The following PIEZO2 variants were observed in gnomAD, a reference collection of about 807,000 sequenced individuals.
PIEZO2 encodes the protein piezo type mechanosensitive ion channel component 2, also known as piezo-type mechanosensitive ion channel component 2.
In PIEZO2, 172 loss-of-function variants were observed where a neutral mutation model predicts 337.3. That is an observed-to-expected ratio of 0.51 (90% CI 0.45 to 0.58). The LOEUF is 0.58. Ranked by LOEUF, PIEZO2 falls within the 20% of genes least tolerant of loss-of-function variation. PIEZO2 has a pLI of 0.00. For synonymous variants in PIEZO2, 1,251 were observed against 1,228.5 expected, an observed-to-expected ratio of 1.02 and a Z score of -0.38; for missense variants, 3,028 against 3,391.3, an observed-to-expected ratio of 0.89 and a Z score of 2.66.
chr18:10,914,777 G>A (rs36090795), intron 3 of PIEZO2, among the ~76,000 whole-genome samples: 45 of 152,044 alleles, frequency 3.0e-4, no homozygotes, highest in African/African-American at 8.4e-4. Flanking sequence ...TCCAGTATCC[G>A]GTCAACAGAA....
chr18:10,966,417 A>G (rs980614460), intron 3 of PIEZO2, among the ~76,000 whole-genome samples: 1 of 152,134 alleles, frequency 6.6e-6, no homozygotes, highest in African/African-American at 2.4e-5. Flanking sequence ...TCCACTGTCA[A>G]TCCCTCTTCC....
chr18:10,939,444 T>C (rs140885671), intron 3 of PIEZO2, among the ~76,000 whole-genome samples: 126 of 152,060 alleles, frequency 8.3e-4, no homozygotes, highest in African/African-American at 2.9e-3. Flanking sequence ...TACAAATCAT[T>C]CTACTATAAA....
At chr18:10,679,491 T>C (rs1399733517) in intron 52 of PIEZO2, among the ~76,000 whole-genome samples, 1 of 151,516 alleles carries the variant, frequency 6.6e-6, no homozygotes, top group Non-Finnish European at 1.5e-5. Context: ...TATAGTTACA[T>C]TCAAAATTTT....
chr18:10,983,208 G>C (rs2034736073), intron 2 of PIEZO2, among the ~76,000 whole-genome samples: 1 of 152,138 alleles, frequency 6.6e-6, no homozygotes, highest in Non-Finnish European at 1.5e-5. Context: ...CAGAATAGGA[G>C]GTTTTGGCTC....
rs1176483161 is a variant in PIEZO2 at position 11,123,734 on chromosome 18, C to T, written c.64+24791G>A. On this transcript the variant is annotated intron_variant, in intron 1 of 55. Coordinates refer to ENST00000674853, the MANE Select transcript of PIEZO2 (RefSeq NM_001378183.1). ...CTGAGGCAGGAGGATGGCGTGAACC[C>T]GGGAGGCGGAGCTTGCAGTGAGCTG... is the stretch of plus-strand genomic sequence containing the variant. Among the ~76,000 whole-genome samples the T allele has an allele frequency of 1.9e-4, 29 of 151,632 alleles. No homozygotes were observed. The Middle Eastern group carries it at 9.5e-3, about 50-fold the overall frequency.
At chr18:10,825,694 G>T (rs370935751) in intron 7 of PIEZO2, among the ~76,000 whole-genome samples, 1 of 151,942 alleles carries the variant, frequency 6.6e-6, no homozygotes, top group East Asian at 1.9e-4. Flanking sequence ...GGCACTACAG[G>T]CATGTGCCAC....
In PIEZO2 at chr18:11,000,371, C is replaced by T. The variant is rs189934798; in HGVS notation, c.161-20711G>A. ...CCTTTTCCCTCCCATTTGGAACTAT[C>T]GTTTATTACCCTGGCTTTATATCCT... On this transcript the variant is annotated intron_variant, in intron 2 of 55. Transcript: ENST00000674853. Among the ~76,000 whole-genome samples the T allele has an allele frequency of 1.2e-3, 183 of 152,262 alleles. 2 individuals carry two copies. Among genetic ancestry groups the T allele is most frequent in the Non-Finnish European group, 2.2e-3 (147 of 68,016 alleles).
intron 1 of PIEZO2, among the ~76,000 whole-genome samples, chr18:11,089,107 C>T (rs1283175179): frequency 6.6e-6 from 1 of 152,144 alleles, no homozygotes; most frequent in African/African-American, 2.4e-5. Context: ...CAACTGGCCA[C>T]AGGTCAGAAT....
Position 11,125,242 on chromosome 18 carries a change from A to G in PIEZO2, c.64+23283T>C, listed in dbSNP as rs1210758159. 6.6e-6 allele frequency among the ~76,000 whole-genome samples: 1 copy of G among 152,210 alleles called. No homozygotes were observed. Among genetic ancestry groups the G allele is most frequent in the African/African-American group, 2.4e-5 (1 of 41,448 alleles). On this transcript the variant is annotated intron_variant, in intron 1 of 55. Transcript: ENST00000674853. This position sits in a 1 kb window ranked among gnomAD's most constrained non-coding sequence, Gnocchi z 4.4. The stretch of plus-strand genomic sequence containing the variant: ...GGATACTGCAATAAGCAAGAAAACC[A>G]TTATAAGCCCTCTTGAGCTGATAAT...
chr18:10,975,537 TA>T (rs1161137565), intron 3 of PIEZO2, among the ~76,000 whole-genome samples: 2 of 152,256 alleles, frequency 1.3e-5, no homozygotes. Context: ...ACGGCACCTT[TA>T]ACAGACCTGC....
rs2040149650 is a variant in PIEZO2 at position 11,125,179 on chromosome 18, C to A, written c.64+23346G>T. ...ACACACACACACACATGCACACATA[C>A]AAAATACACACACCGTCTATCCTGC... On this transcript the variant is annotated intron_variant, in intron 1 of 55. Coordinates refer to ENST00000674853, the MANE Select transcript of PIEZO2 (RefSeq NM_001378183.1). This position sits in a 1 kb window ranked among gnomAD's most constrained non-coding sequence, Gnocchi z 4.4. Among the ~76,000 whole-genome samples the A allele has an allele frequency of 6.6e-6, 1 of 151,998 alleles. No homozygotes were observed. Among genetic ancestry groups the A allele is most frequent in the Admixed American group, 6.5e-5 (1 of 15,268 alleles).
chr18:10,996,150 A>G, intron 2 of PIEZO2, among the ~76,000 whole-genome samples: 1 of 152,248 alleles, frequency 6.6e-6, no homozygotes, highest in East Asian at 1.9e-4. Flanking sequence ...AAATGGAAGC[A>G]TAAGAAAAGG....
At position 10,803,893 on chromosome 18, in the gene PIEZO2, G is replaced by A; in HGVS notation, c.1182C>T (p.Tyr394=). The change falls in exon 9 of 56, where the codon TAC becomes TAT. Residue 394 remains tyrosine, a synonymous_variant. Transcript: ENST00000674853. ...GGCTTACTTTTCTCTCATCAGTGGG[G>A]TAATGGGTTGCGTACCACAGGCTCC... ...RRRSLWYATH[Y]PTDERKLLSM... The A allele has an allele frequency of 6.5e-7, 1 of 1,537,286 alleles. No individual in the cohort carries two copies. The highest frequency in any genetic ancestry group is 8.7e-7 in the Non-Finnish European group (1 of 1,146,918).
intron 2 of PIEZO2, among the ~76,000 whole-genome samples, chr18:11,040,302 T>TAA (rs2037074569): frequency 6.6e-6 from 1 of 152,202 alleles, no homozygotes; most frequent in Non-Finnish European, 1.5e-5. Flanking sequence ...ACCTCAGAAT[T>TAA]AAATTTTGAA....
chr18:11,075,654 C>G (rs2038506058), intron 1 of PIEZO2, among the ~76,000 whole-genome samples: 1 of 152,192 alleles, frequency 6.6e-6, no homozygotes, highest in Non-Finnish European at 1.5e-5. Flanking sequence ...CAGTCTCTCC[C>G]ACCACCATTC....
In PIEZO2 at chr18:11,001,934, G is replaced by GAAGGAAGGAAGGAAGC. The variant is rs1033214542; in HGVS notation, c.161-22275_161-22274insGCTTCCTTCCTTCCTT. Among the ~76,000 whole-genome samples, 77 of 122,514 alleles carry GAAGGAAGGAAGGAAGC rather than the reference G, an allele frequency of 6.3e-4. No homozygotes were observed. The highest frequency in any genetic ancestry group is 2.1e-3 in the African/African-American group (76 of 36,996). The allele number at this position is 122,514 out of a possible 152,430, so 80.4% of individuals were successfully genotyped here. ...GGAAGGAAGGAAGGAAGGAAGGAAG[G>GAAGGAAGGAAGGAAGC]AAGGAAGGAAGGAAGAAAAAAAGAC... On this transcript the variant is annotated intron_variant, in intron 2 of 55. Coordinates refer to ENST00000674853, the MANE Select transcript of PIEZO2 (RefSeq NM_001378183.1). This position sits in a 1 kb window ranked among gnomAD's most constrained non-coding sequence, Gnocchi z 5.3.
intron 3 of PIEZO2, among the ~76,000 whole-genome samples, chr18:10,974,863 A>C (rs1344156013): frequency 1.3e-5 from 2 of 152,214 alleles, no homozygotes; most frequent in African/African-American, 4.8e-5. Context: ...AAATCAGAGG[A>C]TTTCGCTGCT....
intron 2 of PIEZO2, among the ~76,000 whole-genome samples, chr18:11,014,842 CAT>C (rs2036050058): frequency 7.8e-6 from 1 of 128,000 alleles, no homozygotes; most frequent in Non-Finnish European, 1.6e-5. Context: ...CAGTGGAGAA[CAT>C]GTCACCCTGG....
At position 10,795,770 on chromosome 18, in the gene PIEZO2, A is replaced by T. The variant is rs562912241; in HGVS notation, c.1528-768T>A. On this transcript the variant is annotated intron_variant, in intron 12 of 55. Coordinates refer to ENST00000674853, the MANE Select transcript of PIEZO2 (RefSeq NM_001378183.1). This position sits in a 1 kb window ranked among gnomAD's most constrained non-coding sequence, Gnocchi z 4.4. Reference sequence around the variant, plus strand: ...AGGTTCTGTGTCCCTTGAGTTAAAGAATATTTTTATTTTTATCATCAAAGG... The same window carrying T: ...AGGTTCTGTGTCCCTTGAGTTAAAGTATATTTTTATTTTTATCATCAAAGG... Among the ~76,000 whole-genome samples the T allele has an allele frequency of 5.9e-5, 9 of 152,258 alleles. No individual in the cohort carries two copies. In the East Asian group the frequency reaches 1.7e-3, roughly 29 times the overall value.
Sources: allele counts gnomAD v4.1 joint callset (sites outside exome capture counted in the v4.1 genomes callset), GRCh38; gene constraint gnomAD v4.1.1; non-coding constraint Gnocchi (gnomAD v3.1); transcripts MANE v1.5; gene names NCBI Gene and HGNC (gene_info 2026-07-23, HGNC 2026-07-21).